SCFD2: variants seen among roughly 807,000 people sequenced by gnomAD.
SCFD2 encodes the protein sec1 family domain-containing protein 2.
A neutral mutation model predicts 58.9 loss-of-function variants in SCFD2; 54 were observed. The ratio of observed to expected loss-of-function variants is 0.92; its 90% CI spans 0.74 to 1.15. The LOEUF (loss-of-function observed/expected upper bound fraction) is 1.15, where lower values mean the gene tolerates loss of function less well. SCFD2 is among the 50% of genes most tolerant of loss of function. The pLI is 0.00. For synonymous variants in SCFD2, 321 were observed against 335.9 expected (o/e 0.96, Z 0.49); for missense variants, 805 against 836.6 (o/e 0.96, Z 0.47).
chr4:53,028,204 G>A (rs754029387), intron 5 of SCFD2, among the ~76,000 whole-genome samples: 3 of 150,630 alleles, frequency 2.0e-5, no homozygotes, highest in Non-Finnish European at 4.4e-5. Flanking sequence ...CAGAGATTGC[G>A]CCACTGTACT....
At chr4:52,892,222 G>A (rs541202856) in intron 7 of SCFD2, among the ~76,000 whole-genome samples, 2 of 152,146 alleles carry the variant, frequency 1.3e-5, no homozygotes, top group African/African-American at 4.8e-5. Context: ...ACTCATTTAC[G>A]GCTGCATCCC....
chr4:53,355,023 G>A (rs570566973), intron 1 of SCFD2, among the ~76,000 whole-genome samples: 21 of 152,218 alleles, frequency 1.4e-4, no homozygotes, highest in South Asian at 1.0e-3. Flanking sequence ...TCAAGTTACC[G>A]GGACCAGAAA....
chr4:53,268,606 T>G (rs190321435), intron 4 of SCFD2, among the ~76,000 whole-genome samples: 31 of 152,112 alleles, frequency 2.0e-4, no homozygotes, highest in Middle Eastern at 3.4e-3. Context: ...AGGGTATCTG[T>G]GCTATAGGAG....
intron 4 of SCFD2, among the ~76,000 whole-genome samples, chr4:53,245,566 T>C (rs369447931): frequency 5.9e-5 from 9 of 152,172 alleles, no homozygotes; most frequent in African/African-American, 2.2e-4. Flanking sequence ...CATCCCTTCA[T>C]GTTGAAAACA....
Position 52,873,799 on chromosome 4 carries a change from C to A in SCFD2, c.*170G>T. The A allele has an allele frequency of 1.5e-5, 6 of 413,548 alleles. No homozygotes were observed. Among genetic ancestry groups the A allele is most frequent in the Admixed American group, 4.1e-5 (1 of 24,594 alleles). The allele number at this position is 413,548 out of a possible 1,614,324, so 25.6% of individuals were successfully genotyped here. Reference sequence around the variant, plus strand: ...TTTTTTTTTTTTTTAAGAATCACAGCAATCCAAGCAAAGTACCTCACTGAG... The same window carrying A: ...TTTTTTTTTTTTTTAAGAATCACAGAAATCCAAGCAAAGTACCTCACTGAG... On this transcript the variant is annotated 3_prime_UTR_variant, in exon 9 of 9. Coordinates refer to ENST00000401642, the MANE Select transcript of SCFD2 (RefSeq NM_152540.4).
At chr4:53,194,428 C>G (rs547956928) in intron 4 of SCFD2, among the ~76,000 whole-genome samples, 25 of 152,148 alleles carry the variant, frequency 1.6e-4, no homozygotes, top group Non-Finnish European at 3.2e-4. Context: ...TTATTGCTAG[C>G]AGTACATTTG....
chr4:53,335,239 A>C (rs13138170), intron 2 of SCFD2, among the ~76,000 whole-genome samples: 4,283 of 151,336 alleles, frequency 0.028, 95 homozygotes, highest in Non-Finnish European at 0.045. Context: ...CAACAACAAC[A>C]ACCCCAGCAT....
chr4:52,921,681 GC>G (rs1331373144), intron 5 of SCFD2, among the ~76,000 whole-genome samples: 1 of 152,060 alleles, frequency 6.6e-6, no homozygotes, highest in Non-Finnish European at 1.5e-5. Flanking sequence ...GATTGCCAAG[GC>G]CCTGCCCATA....
rs188018553 is a variant in SCFD2 at position 52,975,284 on chromosome 4, T to C, written c.1562-54414A>G. ...GCAACCTACTCATCTGACCATGGGCTAATATCCAGAATCTACAATGAACTC... is the reference window on the plus strand; with the variant it reads ...GCAACCTACTCATCTGACCATGGGCCAATATCCAGAATCTACAATGAACTC... On this transcript the variant is annotated intron_variant, in intron 5 of 8. Transcript: ENST00000401642. Among the ~76,000 whole-genome samples, 669 of 152,318 alleles carry C rather than the reference T, an allele frequency of 4.4e-3. 2 individuals carry two copies. Among genetic ancestry groups the C allele is most frequent in the Non-Finnish European group, 7.3e-3 (499 of 68,036 alleles).
Position 53,301,130 on chromosome 4 carries a change from A to G in SCFD2, c.1135+12506T>C, listed in dbSNP as rs543853918. On this transcript the variant is annotated intron_variant, in intron 3 of 8. Transcript: ENST00000401642. ...AGAACTGAAGGAAATAGAGACACAAAAAACCCTTCAAAAAATCAATAAATC... is the reference window on the plus strand; with the variant it reads ...AGAACTGAAGGAAATAGAGACACAAGAAACCCTTCAAAAAATCAATAAATC... Among the ~76,000 whole-genome samples, 891 of 152,334 alleles carry G rather than the reference A, an allele frequency of 5.8e-3. 3 individuals are homozygous for G. Among genetic ancestry groups the G allele is most frequent in the Admixed American group, 9.5e-3 (146 of 15,308 alleles).
chr4:53,317,776 T>C (rs983442133), intron 2 of SCFD2, among the ~76,000 whole-genome samples: 2 of 152,200 alleles, frequency 1.3e-5, no homozygotes, highest in African/African-American at 4.8e-5. Flanking sequence ...CTAGGAGGGC[T>C]TCTTCTCTCT....
At position 53,223,093 on chromosome 4, in the gene SCFD2, G is replaced by T. The variant is rs1053646617; in HGVS notation, c.1311+50733C>A. Reference sequence around the variant, plus strand: ...ACCCATTCTGAGATGATGGACAAATGTTCAGTTCTATTGGCTTTCTGAAAA... The same window carrying T: ...ACCCATTCTGAGATGATGGACAAATTTTCAGTTCTATTGGCTTTCTGAAAA... On this transcript the variant is annotated intron_variant, in intron 4 of 8. Transcript: ENST00000401642. Among the ~76,000 whole-genome samples the T allele has an allele frequency of 1.0e-3, 154 of 152,050 alleles. 1 individual carries two copies. Among genetic ancestry groups the T allele is most frequent in the African/African-American group, 3.5e-3 (146 of 41,478 alleles).
chr4:53,037,295 A>G (rs1722788876), intron 5 of SCFD2, among the ~76,000 whole-genome samples: 2 of 152,178 alleles, frequency 1.3e-5, no homozygotes, highest in African/African-American at 4.8e-5. Context: ...GACTATATGA[A>G]CAAGCATGTT....
At chr4:53,079,986 G>A (rs2148856951) in intron 5 of SCFD2, among the ~76,000 whole-genome samples, 1 of 152,270 alleles carries the variant, frequency 6.6e-6, no homozygotes, top group South Asian at 2.1e-4. Flanking sequence ...TATGGGAATA[G>A]TTACGTATTC....
chr4:53,140,400 T>TATATATAC (rs1726096740), intron 5 of SCFD2, among the ~76,000 whole-genome samples: 1 of 140,434 alleles, frequency 7.1e-6, no homozygotes, highest in Non-Finnish European at 1.5e-5. Context: ...CTAATATATA[T>TATATATAC]ATATATATAT....
At chr4:53,039,244 C>G (rs757894361) in intron 5 of SCFD2, among the ~76,000 whole-genome samples, 1 of 152,188 alleles carries the variant, frequency 6.6e-6, no homozygotes, top group Admixed American at 6.5e-5. Flanking sequence ...AAAACATATA[C>G]ATACCATATG....
chr4:52,948,712 C>T (rs1406525892), intron 5 of SCFD2: 2 of 339,520 alleles, frequency 5.9e-6, no homozygotes, highest in Non-Finnish European at 1.2e-5. Flanking sequence ...AAGCAACCAA[C>T]AGAAGAACAC....
intron 6 of SCFD2, among the ~76,000 whole-genome samples, chr4:52,918,176 C>A (rs575734100): frequency 6.6e-6 from 1 of 152,240 alleles, no homozygotes; most frequent in South Asian, 2.1e-4. Flanking sequence ...GGCTGAGGAC[C>A]AAATTGGTAG....
At chr4:53,229,444 C>G (rs372531962) in intron 4 of SCFD2, among the ~76,000 whole-genome samples, 1 of 152,160 alleles carries the variant, frequency 6.6e-6, no homozygotes, top group African/African-American at 2.4e-5. Flanking sequence ...TGGAACAGAA[C>G]AGAGACCTCA....
Sources: allele counts gnomAD v4.1 joint callset (sites outside exome capture counted in the v4.1 genomes callset), GRCh38; gene constraint gnomAD v4.1.1; transcripts MANE v1.5; gene names NCBI Gene and HGNC (gene_info 2026-07-23, HGNC 2026-07-21).